SMOC2: variants seen among roughly 807,000 people sequenced by gnomAD.
SMOC2 encodes SPARC related modular calcium binding 2.
SMOC2 carries 39 observed loss-of-function variants against 61.4 expected under a neutral mutation model. The ratio of observed to expected loss-of-function variants is 0.64; its 90% CI spans 0.49 to 0.83. The LOEUF is 0.83. Ranked by LOEUF, SMOC2 falls within the 40% of genes least tolerant of loss-of-function variation. SMOC2 has a pLI of 0.00. For missense variants in SMOC2, 556 were observed against 592.9 expected (o/e 0.94, Z 0.65); for synonymous variants, 247 against 239.9 (o/e 1.03, Z -0.27).
chr6:168,564,570 C>G (rs540196441), intron 7 of SMOC2, among the ~76,000 whole-genome samples: 1 of 152,308 alleles, frequency 6.6e-6, no homozygotes, highest in South Asian at 2.1e-4. Flanking sequence ...ACTTCTAATG[C>G]AGAGTTAGAC....
At chr6:168,476,677 G>A (rs1782095535) in intron 1 of SMOC2, among the ~76,000 whole-genome samples, 3 of 151,672 alleles carry the variant, frequency 2.0e-5, no homozygotes, top group South Asian at 2.1e-4. Flanking sequence ...TAATAATTTA[G>A]CCAAACTCTT....
At chr6:168,529,400 G>A (rs1266766042) in intron 4 of SMOC2, among the ~76,000 whole-genome samples, 1 of 152,192 alleles carries the variant, frequency 6.6e-6, no homozygotes, top group South Asian at 2.1e-4. Context: ...GTCTGTGAGG[G>A]GGGGCAGTGT....
At chr6:168,588,966 G>GCTA (rs150388783) in intron 7 of SMOC2, among the ~76,000 whole-genome samples, 32,077 of 151,240 alleles carry the variant, frequency 0.21, 3,731 homozygotes, top group South Asian at 0.28. Context: ...TGTAGTCTCA[G>GCTA]CTCTGAAGGC....
chr6:168,611,489 ACCGTGGCTCCCGTGTCGGGCCTGG>A, intron 9 of SMOC2, among the ~76,000 whole-genome samples: 19 of 116,402 alleles, frequency 1.6e-4, no homozygotes, highest in African/African-American at 6.2e-4. Flanking sequence ...TCCGGGACCC[ACCGTGGCTCCCGTGTCGGGCCTGG>A]CCGTGGCTCC....
intron 3 of SMOC2, among the ~76,000 whole-genome samples, chr6:168,526,737 TC>T (rs1479067097): frequency 1.3e-5 from 2 of 152,202 alleles, no homozygotes; most frequent in Non-Finnish European, 2.9e-5. Flanking sequence ...CCTGGAAGCT[TC>T]CTTAGTGAGG....
intron 2 of SMOC2, among the ~76,000 whole-genome samples, chr6:168,518,499 G>T (rs1443094236): frequency 6.6e-6 from 1 of 150,962 alleles, no homozygotes; most frequent in Non-Finnish European, 1.5e-5. Flanking sequence ...GAGTGTGCAT[G>T]TGTGAATGTG....
chr6:168,463,218 T>C (rs906949655), intron 1 of SMOC2, among the ~76,000 whole-genome samples: 2 of 152,134 alleles, frequency 1.3e-5, no homozygotes, highest in African/African-American at 4.8e-5. Context: ...CTTCCTAATA[T>C]TAAGTAATAG....
At chr6:168,508,539 CAG>C (rs1782929543) in intron 1 of SMOC2, among the ~76,000 whole-genome samples, 1 of 152,236 alleles carries the variant, frequency 6.6e-6, no homozygotes, top group Non-Finnish European at 1.5e-5. Context: ...AGCCTTTAAA[CAG>C]AGCCAGCTGA....
chr6:168,587,414 C>T (rs1583135071), intron 7 of SMOC2, among the ~76,000 whole-genome samples: 1 of 152,250 alleles, frequency 6.6e-6, no homozygotes, highest in South Asian at 2.1e-4. Flanking sequence ...CCAAGGTGGT[C>T]GGGGCACAGC....
intron 11 of SMOC2, among the ~76,000 whole-genome samples, chr6:168,655,711 A>G (rs1378930928): frequency 1.3e-5 from 2 of 149,634 alleles, no homozygotes; most frequent in African/African-American, 4.9e-5. Flanking sequence ...TTGCACATGT[A>G]TCCTGGATCC....
At chr6:168,533,715 T>G (rs9364463) in intron 4 of SMOC2, among the ~76,000 whole-genome samples, 9 of 152,214 alleles carry the variant, frequency 5.9e-5, no homozygotes, top group Admixed American at 2.0e-4. Flanking sequence ...GCTTTTTCTT[T>G]AGCCTTCGTA....
chr6:168,545,262 A>G (rs900193450), intron 5 of SMOC2, among the ~76,000 whole-genome samples: 1 of 151,862 alleles, frequency 6.6e-6, no homozygotes, highest in African/African-American at 2.4e-5. Flanking sequence ...CCACTGTAAA[A>G]AAAAAAAATC....
intron 9 of SMOC2, among the ~76,000 whole-genome samples, chr6:168,647,651 T>C (rs1438732978): frequency 6.6e-6 from 1 of 152,236 alleles, no homozygotes; most frequent in African/African-American, 2.4e-5. Flanking sequence ...TTGCTAGATC[T>C]GGGACATCTC....
chr6:168,656,120 G>A (rs184949415), intron 11 of SMOC2, among the ~76,000 whole-genome samples: 9 of 152,278 alleles, frequency 5.9e-5, no homozygotes, highest in Non-Finnish European at 1.5e-5. Context: ...AATCTCTGTC[G>A]TTTATGACTC....
At chr6:168,558,766 T>G (rs1784309119) in intron 7 of SMOC2, among the ~76,000 whole-genome samples, 1 of 152,072 alleles carries the variant, frequency 6.6e-6, no homozygotes, top group African/African-American at 2.4e-5. Flanking sequence ...TGTTTGTGCA[T>G]GTGTGTGCAC....
chr6:168,642,535 C>T (rs1326504547), intron 9 of SMOC2, among the ~76,000 whole-genome samples: 1 of 152,126 alleles, frequency 6.6e-6, no homozygotes. Flanking sequence ...TTCTCTACTG[C>T]GTGGTGGTTA....
intron 9 of SMOC2, among the ~76,000 whole-genome samples, chr6:168,636,903 GCCCGCATCCCT>G: frequency 2.0e-5 from 1 of 50,136 alleles, no homozygotes; most frequent in South Asian, 7.4e-4. Flanking sequence ...CCTCCCTCCT[GCCCGCATCCCT>G]CCTCCCTCCT....
chr6:168,630,932 A>G (rs1338490086), intron 9 of SMOC2, among the ~76,000 whole-genome samples: 1 of 152,210 alleles, frequency 6.6e-6, no homozygotes, highest in Non-Finnish European at 1.5e-5. Flanking sequence ...TCTCCTGATA[A>G]GATGTTATCA....
chr6:168,469,679 C>A (rs1266347430), intron 1 of SMOC2, among the ~76,000 whole-genome samples: 1 of 152,156 alleles, frequency 6.6e-6, no homozygotes, highest in Non-Finnish European at 1.5e-5. Context: ...TTTGCAGAGA[C>A]TGACCACATG....
Sources: allele counts gnomAD v4.1 joint callset (sites outside exome capture counted in the v4.1 genomes callset), GRCh38; gene constraint gnomAD v4.1.1; transcripts MANE v1.5; gene names NCBI Gene and HGNC (gene_info 2026-07-23, HGNC 2026-07-21).